GRAMD4: variants seen among roughly 807,000 people sequenced by gnomAD.
The protein encoded by GRAMD4 is GRAM domain containing 4, also known as GRAM domain-containing protein 4.
A neutral mutation model predicts 83.9 loss-of-function variants in GRAMD4; 25 were observed. The observed-to-expected ratio is 0.30, with a 90% CI of 0.22 to 0.42. The LOEUF (loss-of-function observed/expected upper bound fraction) is 0.42. Ranked by LOEUF, GRAMD4 falls within the 10% of genes least tolerant of loss-of-function variation. GRAMD4 has a pLI of 1.00. For synonymous variants in GRAMD4, 336 were observed against 320.9 expected (o/e 1.05, Z -0.50); for missense variants, 593 against 788.7 (o/e 0.75, Z 2.97).
intron 15 of GRAMD4, 133 bp downstream of exon 15, chr22:46,673,947 C>G: frequency 1.0e-6 from 1 of 953,566 alleles, no homozygotes; most frequent in South Asian, 1.5e-5. Context: ...CATTCACATC[C>G]CACTGCCCCA....
At chr22:46,589,265 G>C (rs1256936485) in intron 1 of GRAMD4, among the ~76,000 whole-genome samples, 2 of 150,804 alleles carry the variant, frequency 1.3e-5, no homozygotes, top group African/African-American at 4.9e-5. Flanking sequence ...TCCTGGGTTT[G>C]GGGGCGGCTC....
intron 1 of GRAMD4, among the ~76,000 whole-genome samples, chr22:46,586,973 AC>A (rs1202417057): frequency 6.6e-6 from 1 of 152,086 alleles, no homozygotes; most frequent in Non-Finnish European, 1.5e-5. Context: ...GTGTCCCAGA[AC>A]CCACCCTCTT....
intron 3 of GRAMD4, among the ~76,000 whole-genome samples, chr22:46,645,860 C>T (rs757178334): frequency 3.9e-5 from 6 of 152,204 alleles, no homozygotes; most frequent in African/African-American, 1.2e-4. Flanking sequence ...GCGCGGTTGC[C>T]GTGCATGCGT....
At chr22:46,613,474 C>G (rs1007876051) in intron 1 of GRAMD4, among the ~76,000 whole-genome samples, 1 of 152,254 alleles carries the variant, frequency 6.6e-6, no homozygotes, top group Non-Finnish European at 1.5e-5. Flanking sequence ...CCCGCACAGG[C>G]GAGTGTTCCC....
intron 1 of GRAMD4, among the ~76,000 whole-genome samples, chr22:46,603,719 T>C (rs1398337221): frequency 1.3e-5 from 2 of 151,218 alleles, no homozygotes; most frequent in Admixed American, 1.3e-4. Context: ...GGTTTCAATG[T>C]GTTAGCCAGG....
intron 13 of GRAMD4, chr22:46,670,983 G>T (rs1298132051): frequency 5.5e-6 from 2 of 363,722 alleles, no homozygotes; most frequent in Non-Finnish European, 1.3e-5. Flanking sequence ...CTGGGCAGCG[G>T]TGACCCTGCC....
At chr22:46,577,080 G>C (rs2081048799), upstream of GRAMD4, 3 of 149,144 alleles carry the variant, frequency 2.0e-5, no homozygotes. Flanking sequence ...ACGGGGCCGG[G>C]GGCGCGCAGA....
intron 11 of GRAMD4, 93 bp downstream of exon 11, chr22:46,668,260 C>T (rs752780865): frequency 8.9e-5 from 75 of 838,662 alleles, no homozygotes; most frequent in Non-Finnish European, 1.3e-4. Flanking sequence ...AGGTCTCCGC[C>T]GGCCTCCGCT....
chr22:46,588,471 T>C (rs1365557466), intron 1 of GRAMD4, among the ~76,000 whole-genome samples: 1 of 152,216 alleles, frequency 6.6e-6, no homozygotes, highest in East Asian at 1.9e-4. Flanking sequence ...CATATTGGTA[T>C]CTGCGGAGTG....
At chr22:46,666,235 C>T (rs2082407102) in intron 9 of GRAMD4, among the ~76,000 whole-genome samples, 1 of 152,204 alleles carries the variant, frequency 6.6e-6, no homozygotes, top group Non-Finnish European at 1.5e-5. Context: ...CTGAGGGGGG[C>T]TCTGGGAAGC....
rs898475617 is a variant in GRAMD4 at position 46,601,267 on chromosome 22, G to A, written c.-50+23977G>A. Among the ~76,000 whole-genome samples, 59 of 152,052 alleles carry A rather than the reference G, an allele frequency of 3.9e-4. 1 individual carries two copies. Among genetic ancestry groups the A allele is most frequent in the Admixed American group, 3.7e-3 (56 of 15,270 alleles). On this transcript the variant is annotated intron_variant, in intron 1 of 1. Coordinates refer to the GRAMD4 transcript ENST00000431155. Reference sequence around the variant, plus strand: ...GTCTTCTGTGACCCGTCGGCCGCCGGGTCACACCGTGCAGCTGCCAGGGGG... The same window carrying A: ...GTCTTCTGTGACCCGTCGGCCGCCGAGTCACACCGTGCAGCTGCCAGGGGG...
chr22:46,655,724 G>T (rs530922123), intron 3 of GRAMD4, among the ~76,000 whole-genome samples: 4 of 152,318 alleles, frequency 2.6e-5, no homozygotes, highest in Non-Finnish European at 5.9e-5. Context: ...CCCCAGGCCG[G>T]GCTGGACCCT....
intron 1 of GRAMD4, among the ~76,000 whole-genome samples, chr22:46,602,716 T>C (rs919183456): frequency 6.6e-6 from 1 of 151,840 alleles, no homozygotes; most frequent in African/African-American, 2.4e-5. Flanking sequence ...TCTTTACATT[T>C]GTTTAAGGGC....
At chr22:46,661,207 C>T (rs183675148) in intron 4 of GRAMD4, among the ~76,000 whole-genome samples, 174 bp from the exon 5 acceptor site, 5 of 152,346 alleles carry the variant, frequency 3.3e-5, no homozygotes, top group African/African-American at 1.2e-4. Context: ...CAGCTCTGTG[C>T]TTGCCTGGAT....
intron 1 of GRAMD4, among the ~76,000 whole-genome samples, chr22:46,600,445 G>A (rs1271573914): frequency 1.3e-5 from 2 of 152,336 alleles, no homozygotes; most frequent in African/African-American, 4.8e-5. Flanking sequence ...GCCTCCTTCT[G>A]CTTCCCTTGT....
At chr22:46,588,368 C>A (rs875779) in intron 1 of GRAMD4, among the ~76,000 whole-genome samples, 36,257 of 152,158 alleles carry the variant, frequency 0.24, 5,706 homozygotes, top group East Asian at 0.61. Context: ...CAGCACCACG[C>A]AAGGGCAGGG....
intron 1 of GRAMD4, among the ~76,000 whole-genome samples, chr22:46,581,419 C>T (rs2081097222): frequency 6.6e-6 from 1 of 152,236 alleles, no homozygotes. Flanking sequence ...CAGTTCGTTC[C>T]CGAGCAGAGC....
chr22:46,650,364 G>A (rs1251593132), intron 3 of GRAMD4, among the ~76,000 whole-genome samples: 3 of 128,084 alleles, frequency 2.3e-5, no homozygotes, highest in Non-Finnish European at 5.1e-5. Context: ...GCTGCGTGTC[G>A]AGGCTGGGTG....
In GRAMD4 at chr22:46,637,462, C is replaced by T. The variant is rs546494670; in HGVS notation, c.163-378C>T. ...TAGAGATAGGGTTTCACCGTGGTCT[C>T]GATCTCCTGACCTCGATCCACCTGC... On this transcript the variant is annotated intron_variant, in intron 2 of 18. Transcript: ENST00000406902. Among the ~76,000 whole-genome samples the T allele has an allele frequency of 2.6e-5, 4 of 152,274 alleles. 1 individual carries two copies. Among genetic ancestry groups the T allele is most frequent in the South Asian group, 4.1e-4 (2 of 4,824 alleles).
Sources: allele counts gnomAD v4.1 joint callset (sites outside exome capture counted in the v4.1 genomes callset), GRCh38; gene constraint gnomAD v4.1.1; transcripts MANE v1.5; gene names NCBI Gene and HGNC (gene_info 2026-07-23, HGNC 2026-07-21).